The following LARGE1 variants were observed in gnomAD, a reference collection of about 807,000 sequenced individuals.
The protein encoded by LARGE1 is LARGE xylosyl- and glucuronyltransferase 1.
LARGE1 carries 43 observed loss-of-function variants against 87.6 expected under a neutral mutation model. The ratio of observed to expected loss-of-function variants is 0.49; its 90% CI spans 0.38 to 0.63. The LOEUF (loss-of-function observed/expected upper bound fraction) is 0.63, where lower values mean the gene tolerates loss of function less well. LARGE1 is among the 30% of genes least tolerant of loss of function. The pLI, the probability that LARGE1 is intolerant of heterozygous loss-of-function variation, is 0.00. For synonymous variants in LARGE1, 434 were observed against 394.6 expected (o/e 1.10, Z -1.18); for missense variants, 802 against 1,000.2 (o/e 0.80, Z 2.67).
chr22:33,351,803 G>A (rs1940408151), intron 9 of LARGE1, among the ~76,000 whole-genome samples: 1 of 151,516 alleles, frequency 6.6e-6, no homozygotes, highest in Admixed American at 6.6e-5. Context: ...GTGCAGTGGT[G>A]CAATCTTGGC....
chr22:33,307,229 AT>A (rs1172193182), intron 11 of LARGE1, among the ~76,000 whole-genome samples: 10 of 152,180 alleles, frequency 6.6e-5, no homozygotes, highest in Admixed American at 5.9e-4. Flanking sequence ...CATAGTAACT[AT>A]AATATTGAGA....
the LARGE1 span, chr22:33,108,741 A>G: frequency 1.8e-4 from 27 of 152,266 alleles, no homozygotes; most frequent in African/African-American, 5.5e-4. Flanking sequence ...TAATATTATT[A>G]TTAGCAATTA....
intron 6 of LARGE1, among the ~76,000 whole-genome samples, chr22:33,521,651 G>A (rs5998991): frequency 0.012 from 1,798 of 152,278 alleles, 37 homozygotes; most frequent in African/African-American, 0.04. Context: ...GAAAGTAACC[G>A]ATGTAGGCAG....
intron 1 of LARGE1, among the ~76,000 whole-genome samples, chr22:33,768,258 G>A (rs188657344): frequency 7.9e-5 from 12 of 152,284 alleles, no homozygotes; most frequent in Admixed American, 3.9e-4. Flanking sequence ...GCAGTGAGCA[G>A]AGATTGTGCC....
chr22:33,153,613 G>T, the LARGE1 span, among the ~76,000 whole-genome samples: 1 of 152,016 alleles, frequency 6.6e-6, no homozygotes, highest in Non-Finnish European at 1.5e-5. Context: ...TGGGGTGTGG[G>T]GAGTGTCTTT....
chr22:33,196,714 AAG>A (rs1924101981), intron 11 of LARGE1, among the ~76,000 whole-genome samples: 1 of 152,006 alleles, frequency 6.6e-6, no homozygotes, highest in African/African-American at 2.4e-5. Flanking sequence ...AAGGATGAGG[AAG>A]AGAGAGGGAG....
intron 9 of LARGE1, among the ~76,000 whole-genome samples, chr22:33,362,084 T>C (rs868360687): frequency 1.3e-5 from 2 of 149,352 alleles, no homozygotes; most frequent in Non-Finnish European, 1.5e-5. Context: ...CTACACACTC[T>C]GGTCTCCTAA....
chr22:33,819,379 T>A (rs1236667988), intron 1 of LARGE1, among the ~76,000 whole-genome samples: 1 of 152,094 alleles, frequency 6.6e-6, no homozygotes, highest in South Asian at 2.1e-4. Flanking sequence ...GACCTTCTGG[T>A]CACAAGCTCT....
At chr22:33,344,790 A>G (rs968714493) in intron 9 of LARGE1, among the ~76,000 whole-genome samples, 2 of 142,322 alleles carry the variant, frequency 1.4e-5, no homozygotes, top group Non-Finnish European at 3.1e-5. Flanking sequence ...CCCTTGAGGG[A>G]AAGGATCACC....
the LARGE1 span, among the ~76,000 whole-genome samples, chr22:33,141,186 T>TCACACACACACACA: frequency 6.8e-6 from 1 of 146,446 alleles, no homozygotes; most frequent in African/African-American, 2.7e-5. Flanking sequence ...TCTCTCTCTC[T>TCACACACACACACA]CTCTCTCTCA....
intron 6 of LARGE1, among the ~76,000 whole-genome samples, chr22:33,476,486 C>T (rs1426503092): frequency 1.3e-5 from 2 of 152,196 alleles, no homozygotes; most frequent in Non-Finnish European, 2.9e-5. Context: ...TGATGCATCA[C>T]GTCTCTGTAA....
At chr22:33,409,289 GGAA>G (rs201302613) in intron 7 of LARGE1, among the ~76,000 whole-genome samples, 3 of 140,316 alleles carry the variant, frequency 2.1e-5, no homozygotes, top group Non-Finnish European at 3.1e-5. Flanking sequence ...ACCCTGAGAC[GGAA>G]GGAGGAGGAG....
chr22:33,887,545 T>C (rs1378091157), intron 1 of LARGE1, among the ~76,000 whole-genome samples: 1 of 152,184 alleles, frequency 6.6e-6, no homozygotes, highest in Non-Finnish European at 1.5e-5. Flanking sequence ...GAGATCAGTC[T>C]GAACAACATG....
chr22:33,131,749 A>G, the LARGE1 span, among the ~76,000 whole-genome samples: 9,189 of 152,100 alleles, frequency 0.06, 895 homozygotes, highest in African/African-American at 0.21. Context: ...GAATTATGGG[A>G]GCTACAATTC....
intron 2 of LARGE1, among the ~76,000 whole-genome samples, chr22:33,663,682 G>C (rs1018882727): frequency 6.6e-6 from 1 of 152,144 alleles, no homozygotes; most frequent in African/African-American, 2.4e-5. Context: ...TTCAAGCCTT[G>C]CTAAACTTTC....
At chr22:33,677,304 AAAAG>A (rs2081612805) in intron 2 of LARGE1, among the ~76,000 whole-genome samples, 1 of 151,868 alleles carries the variant, frequency 6.6e-6, no homozygotes, top group Non-Finnish European at 1.5e-5. Context: ...AAAAAAAAAA[AAAAG>A]AAAAGAAAAA....
intron 11 of LARGE1, among the ~76,000 whole-genome samples, chr22:33,170,130 A>T (rs778670480): frequency 5.3e-5 from 8 of 152,042 alleles, no homozygotes; most frequent in Non-Finnish European, 1.0e-4. Flanking sequence ...GCACTTTGGG[A>T]TGCCGAGGTG....
At chr22:33,572,144 C>T (rs1194312317) in intron 5 of LARGE1, 1 of 1,114,512 alleles carries the variant, frequency 9.0e-7, no homozygotes, top group Non-Finnish European at 1.2e-6. Context: ...AGATTGCTTA[C>T]CCATATTAAC....
chr22:33,850,358 CT>C (rs1248490923), intron 1 of LARGE1, among the ~76,000 whole-genome samples: 2 of 152,188 alleles, frequency 1.3e-5, no homozygotes, highest in Non-Finnish European at 2.9e-5. Flanking sequence ...AGTCTTAAGT[CT>C]TCCGCACTTG....
Sources: gnomAD v4.1 joint callset for allele counts (sites outside exome capture counted in the v4.1 genomes callset) on GRCh38, gnomAD v4.1.1 for gene constraint, MANE v1.5 for transcripts, NCBI Gene and HGNC (gene_info 2026-07-23, HGNC 2026-07-21) for gene names.